Variants in TENM3 observed in about 807,000 individuals in gnomAD.
TENM3 encodes teneurin transmembrane protein 3, also known as teneurin-3.
Under a neutral mutation model 255.1 loss-of-function variants are expected in TENM3, and 63 were observed. The observed-to-expected ratio is 0.25, with a 90% CI of 0.20 to 0.30. The LOEUF (loss-of-function observed/expected upper bound fraction) is 0.30, where lower values mean the gene tolerates loss of function less well. Ranked by LOEUF, TENM3 falls within the 10% of genes least tolerant of loss-of-function variation. TENM3 has a pLI of 1.00. For synonymous variants in TENM3, 1,306 were observed against 1,322.3 expected (o/e 0.99, Z 0.27); for missense variants, 2,929 against 3,461.1 (o/e 0.85, Z 3.86).
chr4:181,731,104 A>G, the TENM3 span, among the ~76,000 whole-genome samples: 1 of 152,206 alleles, frequency 6.6e-6, no homozygotes, highest in African/African-American at 2.4e-5. Context: ...CAGCTTGTTA[A>G]TTCTTTACTC....
intron 3 of TENM3, among the ~76,000 whole-genome samples, chr4:182,567,481 G>C (rs867371917): frequency 1.3e-5 from 2 of 152,158 alleles, no homozygotes; most frequent in African/African-American, 4.8e-5. Flanking sequence ...GTGAAAGGTA[G>C]TCTTTAAAAT....
chr4:181,795,368 T>A, the TENM3 span, among the ~76,000 whole-genome samples: 7 of 152,126 alleles, frequency 4.6e-5, no homozygotes, highest in African/African-American at 1.7e-4. Flanking sequence ...ATCTCCCCTG[T>A]GTCTCTTCTT....
chr4:182,021,798 G>A, the TENM3 span, among the ~76,000 whole-genome samples: 3 of 152,012 alleles, frequency 2.0e-5, no homozygotes, highest in Admixed American at 2.0e-4. Context: ...AGTCAATCTT[G>A]TACTTTCTCT....
intron 3 of TENM3, among the ~76,000 whole-genome samples, chr4:182,382,965 T>C (rs969881547): frequency 2.0e-5 from 3 of 152,234 alleles, no homozygotes; most frequent in East Asian, 1.9e-4. Flanking sequence ...CACCTACTCG[T>C]TGGTGTTGCT....
At chr4:181,825,423 A>AC in the TENM3 span, among the ~76,000 whole-genome samples, 2 of 148,124 alleles carry the variant, frequency 1.4e-5, no homozygotes, top group Admixed American at 6.8e-5. Flanking sequence ...AAAAAAAAAA[A>AC]AAACAGAGAA....
At chr4:182,276,128 G>C (rs1759984565) in intron 1 of TENM3, among the ~76,000 whole-genome samples, 1 of 152,166 alleles carries the variant, frequency 6.6e-6, no homozygotes, top group South Asian at 2.1e-4. Flanking sequence ...GCCAGGCTTA[G>C]GCACCAGAGA....
chr4:182,449,217 G>GCGA, intron 3 of TENM3: 1 of 18,190 alleles, frequency 5.5e-5, no homozygotes, highest in Non-Finnish European at 9.2e-5. Context: ...GGTGGCGGCG[G>GCGA]CGGCGGCGGC....
intron 7 of TENM3, among the ~76,000 whole-genome samples, chr4:182,675,215 A>C (rs1171621795): frequency 5.9e-5 from 9 of 152,052 alleles, no homozygotes; most frequent in Non-Finnish European, 2.9e-5. Flanking sequence ...ACTCCAGTTC[A>C]TCTTATAGGT....
At chr4:182,005,964 G>A in the TENM3 span, among the ~76,000 whole-genome samples, 1 of 151,968 alleles carries the variant, frequency 6.6e-6, no homozygotes, top group South Asian at 2.1e-4. Context: ...TCAAGTTTTT[G>A]GGCTGAGACA....
chr4:181,876,136 T>C, the TENM3 span, among the ~76,000 whole-genome samples: 1 of 152,212 alleles, frequency 6.6e-6, no homozygotes, highest in African/African-American at 2.4e-5. Flanking sequence ...ATACACCTAG[T>C]TAATGCAGAC....
intron 1 of TENM3, among the ~76,000 whole-genome samples, chr4:182,236,926 C>T (rs1041559292): frequency 6.6e-6 from 1 of 152,152 alleles, no homozygotes; most frequent in Non-Finnish European, 1.5e-5. Context: ...TGGTTTGCTG[C>T]ACCTATCAAG....
At chr4:181,973,515 GAGTTTGAGACTAGCCTGGGAAACATAGT>G in the TENM3 span, among the ~76,000 whole-genome samples, 1 of 152,140 alleles carries the variant, frequency 6.6e-6, no homozygotes, top group Non-Finnish European at 1.5e-5. Flanking sequence ...TTGAGGCTGG[GAGTTTGAGACTAGCCTGGGAAACATAGT>G]AGTTTGAGAC....
At chr4:182,449,819 A>G (rs1171172309) in intron 3 of TENM3, among the ~76,000 whole-genome samples, 2 of 152,144 alleles carry the variant, frequency 1.3e-5, no homozygotes, top group African/African-American at 2.4e-5. Context: ...GATGCAGGCT[A>G]CTCCTGTGCA....
chr4:182,154,299 G>A lies in TENM3; in HGVS notation c.-76+9545G>A, dbSNP rs532141870. 7.2e-5 allele frequency among the ~76,000 whole-genome samples: 11 copies of A among 152,008 alleles called. No individual in the cohort carries two copies. In the South Asian group the frequency reaches 2.3e-3, roughly 32 times the overall value. ...TACTTTTAAAAGAATAGCCCATCGG[G>A]GATAGGAAGCTTTGTGGATAAGCTG... On this transcript the variant is annotated intron_variant, in intron 1 of 2. Coordinates refer to the TENM3 transcript ENST00000512480.
chr4:182,733,442 A>AC (rs111254221), intron 16 of TENM3, among the ~76,000 whole-genome samples: 34,180 of 152,050 alleles, frequency 0.22, 4,064 homozygotes, highest in Non-Finnish European at 0.27. Context: ...CAAGGGTGGA[A>AC]ACAAGGAGGC....
At chr4:182,325,116 A>G (rs1462299339) in intron 2 of TENM3, among the ~76,000 whole-genome samples, 1 of 152,230 alleles carries the variant, frequency 6.6e-6, no homozygotes, top group Non-Finnish European at 1.5e-5. Flanking sequence ...TTTACATATA[A>G]CTTAGCATTC....
chr4:181,702,169 T>C, the TENM3 span, among the ~76,000 whole-genome samples: 3 of 152,142 alleles, frequency 2.0e-5, no homozygotes, highest in Non-Finnish European at 4.4e-5. Flanking sequence ...GCAGATAGAG[T>C]AGGAACTGAA....
chr4:181,504,600 T>A, the TENM3 span, among the ~76,000 whole-genome samples: 1 of 152,180 alleles, frequency 6.6e-6, no homozygotes, highest in South Asian at 2.1e-4. Context: ...TTCAGGATAG[T>A]TCTAGCAGTA....
the TENM3 span, among the ~76,000 whole-genome samples, chr4:181,816,684 C>A: frequency 6.6e-6 from 1 of 152,156 alleles, no homozygotes; most frequent in Non-Finnish European, 1.5e-5. Flanking sequence ...GATAATGCCA[C>A]CCATCTACTC....
Sources: allele counts gnomAD v4.1 joint callset (sites outside exome capture counted in the v4.1 genomes callset), GRCh38; gene constraint gnomAD v4.1.1; transcripts MANE v1.5; gene names NCBI Gene and HGNC (gene_info 2026-07-23, HGNC 2026-07-21).